Variants in ITSN2 observed in about 807,000 individuals in gnomAD.
ITSN2 encodes intersectin-2.
A neutral mutation model predicts 243.7 loss-of-function variants in ITSN2; 156 were observed. That is an observed-to-expected ratio of 0.64 (90% CI 0.56 to 0.73). The LOEUF (loss-of-function observed/expected upper bound fraction) is 0.73, where lower values mean the gene tolerates loss of function less well. Ranked by LOEUF, ITSN2 falls within the 30% of genes least tolerant of loss-of-function variation. The probability of loss-of-function intolerance (pLI) is 0.00; values close to 1 mark genes in which losing one functional copy is unlikely to be tolerated. For synonymous variants in ITSN2, 703 were observed against 699.9 expected (o/e 1.00, Z -0.07); for missense variants, 1,801 against 1,996.1 (o/e 0.90, Z 1.86).
At chr2:24,299,133 G>T (rs950139666) in intron 12 of ITSN2, among the ~76,000 whole-genome samples, 23 of 150,152 alleles carry the variant, frequency 1.5e-4, no homozygotes, top group African/African-American at 5.6e-4. Context: ...GGGCTCAAGC[G>T]ATTCTCCTGC....
intron 12 of ITSN2, among the ~76,000 whole-genome samples, chr2:24,299,196 C>T (rs1681408652): frequency 6.6e-6 from 1 of 151,948 alleles, no homozygotes. Context: ...ACACACCTGG[C>T]TAATTTTTGT....
intron 25 of ITSN2, 40 bp downstream of exon 25, chr2:24,252,305 C>T (rs758931308): frequency 1.4e-6 from 2 of 1,398,736 alleles, no homozygotes; most frequent in Non-Finnish European, 2.0e-6. Flanking sequence ...TAAGTATAAA[C>T]CTGATTAACC....
intron 2 of ITSN2, among the ~76,000 whole-genome samples, chr2:24,325,172 G>A (rs1685024684): frequency 6.6e-6 from 1 of 152,092 alleles, no homozygotes; most frequent in African/African-American, 2.4e-5. Flanking sequence ...CACTTTGGGA[G>A]GCTAAGGTGG....
Position 24,205,300 on chromosome 2 carries a change from A to C in ITSN2, c.4679-3T>G. 6.2e-7 allele frequency: 1 copy of C among 1,612,270 alleles called. No homozygotes were observed. The highest frequency in any genetic ancestry group is 1.1e-5 in the South Asian group (1 of 91,044). On this transcript the variant is annotated splice_polypyrimidine_tract_variant and splice_region_variant and intron_variant, in intron 37 of 39. Transcript: ENST00000355123. ...GCCTGAAGTCTTTTGGGAGCGGGCT[A>C]CAAAAGAGGAAGACAAGTCTCATTA...
intron 17 of ITSN2, among the ~76,000 whole-genome samples, chr2:24,280,171 C>T (rs970900131): frequency 1.3e-5 from 2 of 152,188 alleles, no homozygotes; most frequent in Admixed American, 6.5e-5. Context: ...TCCAGTAAAA[C>T]ATAACATTCT....
intron 2 of ITSN2, among the ~76,000 whole-genome samples, chr2:24,320,742 AAAAAAAAAC>A (rs1387799630): frequency 2.0e-5 from 3 of 151,654 alleles, no homozygotes; most frequent in East Asian, 3.9e-4. Context: ...CCACCAAAAA[AAAAAAAAAC>A]AAAAAAACAT....
intron 17 of ITSN2, among the ~76,000 whole-genome samples, chr2:24,279,609 T>A (rs1390345944): frequency 6.6e-6 from 1 of 151,780 alleles, no homozygotes; most frequent in Non-Finnish European, 1.5e-5. Context: ...ATTTGGAGGG[T>A]AAATGACAGA....
chr2:24,338,918 A>C (rs1463428968), intron 1 of ITSN2, among the ~76,000 whole-genome samples: 1 of 152,188 alleles, frequency 6.6e-6, no homozygotes, highest in Non-Finnish European at 1.5e-5. Context: ...AATCAAAGTA[A>C]GGTACATGTA....
chr2:24,328,045 T>C lies in ITSN2; in HGVS notation c.31+7A>G. The C allele has an allele frequency of 6.2e-7, 1 of 1,612,560 alleles. No homozygotes were observed. The highest frequency in any genetic ancestry group is 8.5e-7 in the Non-Finnish European group (1 of 1,179,406). On this transcript the variant is annotated splice_region_variant and intron_variant, in intron 2 of 39. Transcript: ENST00000355123. Reference sequence around the variant, plus strand: ...CCTCATCTTGCCACAAGCACAAAGCTGCTTACCATTCATAGCTGTGGGAAA... The same window carrying C: ...CCTCATCTTGCCACAAGCACAAAGCCGCTTACCATTCATAGCTGTGGGAAA...
intron 10 of ITSN2, 120 bp from the exon 11 acceptor site, chr2:24,301,359 A>G: frequency 9.5e-6 from 5 of 528,462 alleles, no homozygotes; most frequent in Non-Finnish European, 1.7e-5. Flanking sequence ...AAGATATTTA[A>G]AACAGTTTGG....
intron 20 of ITSN2, among the ~76,000 whole-genome samples, chr2:24,264,323 G>A (rs965423509): frequency 2.0e-5 from 3 of 151,940 alleles, no homozygotes; most frequent in African/African-American, 7.3e-5. Flanking sequence ...CCAGGAAGGA[G>A]GTTGCAGTGA....
intron 20 of ITSN2, among the ~76,000 whole-genome samples, chr2:24,267,443 A>G (rs768614107): frequency 4.1e-4 from 63 of 151,966 alleles, no homozygotes; most frequent in Non-Finnish European, 7.8e-4. Flanking sequence ...AGTATTGGCT[A>G]TATATAGGTA....
intron 16 of ITSN2, among the ~76,000 whole-genome samples, chr2:24,285,103 C>T (rs1027645746): frequency 6.6e-6 from 1 of 151,716 alleles, no homozygotes. Context: ...CACCATGTTG[C>T]CCAGGCTGGT....
rs765839328 is a variant in ITSN2, at chr2:24,275,778, C to T, written c.2016G>A (p.Leu672=). 5 of 1,612,428 alleles carry T rather than the reference C, an allele frequency of 3.1e-6. No individual in the cohort carries two copies. The highest frequency in any genetic ancestry group is 3.4e-6 in the Non-Finnish European group (4 of 1,178,684). ...EQLYKIKRDK[L]KEIERKRLEL... ...CTAATCTTTTCCTTTCAATTTCCTT[C>T]AACTTGTCACGTTTGATCTTATAAA... The change falls in exon 18 of 40, where the codon TTG becomes TTA. Residue 672 remains leucine, a synonymous_variant. Coordinates refer to ENST00000355123, the MANE Select transcript of ITSN2 (RefSeq NM_006277.3).
intron 1 of ITSN2, among the ~76,000 whole-genome samples, chr2:24,329,401 A>G (rs1558637912): frequency 6.6e-6 from 1 of 152,148 alleles, no homozygotes; most frequent in Non-Finnish European, 1.5e-5. Context: ...CTGGGTCTAC[A>G]GGCGCACATC....
At chr2:24,279,764 G>A (rs959548559) in intron 17 of ITSN2, among the ~76,000 whole-genome samples, 50 of 124,462 alleles carry the variant, frequency 4.0e-4, no homozygotes, top group Admixed American at 2.5e-3. Context: ...ACGGAGTCTC[G>A]CTCTGTTGCT....
chr2:24,271,794 C>G lies in ITSN2; in HGVS notation c.2229G>C (p.Lys743Asn). 2 of 1,601,400 alleles carry G rather than the reference C, an allele frequency of 1.2e-6. No homozygotes were observed. The highest frequency in any genetic ancestry group is 1.7e-6 in the Non-Finnish European group (2 of 1,176,864). Residue 743 changes from lysine (K) to asparagine (N), a missense_variant, in exon 19 of 40, where the codon AAG becomes AAC. Coordinates refer to ENST00000355123, the MANE Select transcript of ITSN2 (RefSeq NM_006277.3). ...TTTTCTCCTCAGCTTTCAAAGTATC[C>G]TTATCCTTACGTTGTTTCTCCTCAG... is the stretch of plus-strand genomic sequence containing the variant. The part of the protein sequence containing the change: ...RKAEEKQRKD[K>N]DTLKAEEKKR...
At chr2:24,212,842 A>G (rs990369323) in intron 32 of ITSN2, 94 bp from the exon 33 acceptor site, 1 of 1,017,688 alleles carries the variant, frequency 9.8e-7, no homozygotes, top group Non-Finnish European at 1.5e-6. Flanking sequence ...CATTTCTTTT[A>G]TTTATTTATG....
intron 36 of ITSN2, among the ~76,000 whole-genome samples, 154 bp downstream of exon 36, chr2:24,208,946 T>C (rs1214026410): frequency 6.6e-6 from 1 of 152,122 alleles, no homozygotes; most frequent in East Asian, 1.9e-4. Flanking sequence ...GACCAAGGCC[T>C]ACCATGGGAC....
Sources: gnomAD v4.1 joint callset for allele counts (sites outside exome capture counted in the v4.1 genomes callset) on GRCh38, gnomAD v4.1.1 for gene constraint, MANE v1.5 for transcripts, NCBI Gene and HGNC (gene_info 2026-07-23, HGNC 2026-07-21) for gene names.